Variants in SPAST observed in about 807,000 individuals in gnomAD.
SPAST encodes the protein spastic paraplegia 4 (autosomal dominant; spastin).
In SPAST, 30 loss-of-function variants were observed where a neutral mutation model predicts 76.6. That is an observed-to-expected ratio of 0.39 (90% CI 0.29 to 0.53). The LOEUF is 0.53. Ranked by LOEUF, SPAST falls within the 20% of genes least tolerant of loss-of-function variation. SPAST has a pLI of 0.68. For missense variants in SPAST, 717 were observed against 770.5 expected (o/e 0.93, Z 0.82); for synonymous variants, 305 against 281.0 (o/e 1.09, Z -0.86).
chr2:32,064,430 C>T (rs1461875211), intron 1 of SPAST, among the ~76,000 whole-genome samples, 184 bp downstream of exon 1: 2 of 152,274 alleles, frequency 1.3e-5, no homozygotes, highest in East Asian at 3.9e-4. Flanking sequence ...TAAAACCTCT[C>T]CCCTTTCAGG....
chr2:32,150,154 C>T (rs1207711888), intron 16 of SPAST, among the ~76,000 whole-genome samples: 1 of 149,356 alleles, frequency 6.7e-6, no homozygotes, highest in Non-Finnish European at 1.5e-5. Flanking sequence ...CTCACTGCAA[C>T]CTCCGCCTAC....
At chr2:32,142,291 A>G (rs535246262) in intron 13 of SPAST, among the ~76,000 whole-genome samples, 29 of 152,250 alleles carry the variant, frequency 1.9e-4, no homozygotes, top group African/African-American at 6.3e-4. Context: ...TACATGCTGC[A>G]TACTCACTTC....
At position 32,156,221 on chromosome 2, in the gene SPAST, G is replaced by C. The variant is rs1243706617; in HGVS notation, c.*1725G>C. 6.6e-6 allele frequency: 1 copy of C among 152,192 alleles called. No homozygotes were observed. Among genetic ancestry groups the C allele is most frequent in the African/African-American group, 2.4e-5 (1 of 41,426 alleles). The allele number at this position is 152,192 out of a possible 1,614,324, so 9.4% of individuals were successfully genotyped here. A position where few individuals can be genotyped will look rare whatever the true frequency, so the allele number is the denominator to read the frequency against. ...CCCAGCTAATTTTGTATTTTTAGTA[G>C]AGATGGGGTTTCTCCATGTTGGTCA... On this transcript the variant is annotated 3_prime_UTR_variant, in exon 17 of 17. Transcript: ENST00000315285.
intron 1 of SPAST, among the ~76,000 whole-genome samples, chr2:32,075,894 C>G (rs900945104): frequency 2.3e-5 from 2 of 87,192 alleles, no homozygotes; most frequent in Non-Finnish European, 4.3e-5. Context: ...ATTCAAAATG[C>G]TCTTTTTTTT....
intron 9 of SPAST, among the ~76,000 whole-genome samples, chr2:32,135,426 G>A (rs930546875): frequency 1.2e-4 from 18 of 152,226 alleles, no homozygotes; most frequent in Admixed American, 1.0e-3. Context: ...GCCGCGCCCG[G>A]CCTAGAATAT....
At chr2:32,084,553 T>G (rs1035328211) in intron 1 of SPAST, among the ~76,000 whole-genome samples, 9 of 151,946 alleles carry the variant, frequency 5.9e-5, no homozygotes, top group Non-Finnish European at 1.3e-4. Flanking sequence ...GTTTGAAATG[T>G]TGAAAAACTG....
intron 1 of SPAST, among the ~76,000 whole-genome samples, chr2:32,080,272 T>G (rs993868621): frequency 3.3e-5 from 5 of 152,200 alleles, no homozygotes; most frequent in Non-Finnish European, 5.9e-5. Flanking sequence ...TTAATTGGGT[T>G]GTTTTTATGT....
rs1678809175 is a variant in SPAST at position 32,115,797 on chromosome 2, C to A, written c.966C>A (p.Ser322Arg). 1 of 1,611,750 alleles carries A rather than the reference C, an allele frequency of 6.2e-7. No individual in the cohort carries two copies. The part of the protein sequence containing the change: ...KDLKNFRNVD[S>R]NLANLIMNEI... ...TGAAGAATTTTAGGAATGTGGACAG[C>A]AACCTTGCTAACCTTATAATGAATG... The change falls in exon 6 of 17, where the codon AGC becomes AGA. Residue 322 changes from serine (S) to arginine (R), a missense_variant. By Grantham distance (110) the Ser-to-Arg change is moderately radical (BLOSUM62 -1). Coordinates refer to ENST00000315285, the MANE Select transcript of SPAST (RefSeq NM_014946.4).
At chr2:32,141,266 T>C (rs1679711557) in intron 12 of SPAST, among the ~76,000 whole-genome samples, 1 of 152,242 alleles carries the variant, frequency 6.6e-6, no homozygotes, top group Non-Finnish European at 1.5e-5. Context: ...ATAAAGATAA[T>C]TCGTCTTAGA....
At chr2:32,071,935 G>A (rs1306097638) in intron 1 of SPAST, among the ~76,000 whole-genome samples, 1 of 152,194 alleles carries the variant, frequency 6.6e-6, no homozygotes, top group Admixed American at 6.5e-5. Context: ...GAAAGGGAAA[G>A]GATTCTCTAC....
chr2:32,064,372 C>T (rs1300565456), intron 1 of SPAST, 126 bp downstream of exon 1: 4 of 850,878 alleles, frequency 4.7e-6, no homozygotes, highest in African/African-American at 3.5e-5. Context: ...TTGATATGCC[C>T]CGGGAGACTG....
chr2:32,069,216 A>C (rs1304361597), intron 1 of SPAST, among the ~76,000 whole-genome samples: 1 of 85,208 alleles, frequency 1.2e-5, no homozygotes, highest in East Asian at 6.3e-4. Flanking sequence ...CCATCTCTCA[A>C]AAAAAAAAAA....
chr2:32,093,774 G>T (rs1181059789), intron 3 of SPAST, among the ~76,000 whole-genome samples: 1 of 152,060 alleles, frequency 6.6e-6, no homozygotes, highest in Non-Finnish European at 1.5e-5. Context: ...ACCTGATACA[G>T]TGTAGGGACT....
chr2:32,137,029 G>T lies in SPAST; in HGVS notation c.1413+61G>T, dbSNP rs548935189. 51 of 1,531,696 alleles carry T rather than the reference G, an allele frequency of 3.3e-5. 2 individuals are homozygous for T. The South Asian group carries it at 5.1e-4, about 15-fold the overall frequency. The allele number at this position is 1,531,696 out of a possible 1,614,324, so 94.9% of individuals were successfully genotyped here. A position where few individuals can be genotyped will look rare whatever the true frequency, so the allele number is the denominator to read the frequency against. On this transcript the variant is annotated intron_variant, in intron 11 of 16. Coordinates refer to ENST00000315285, the MANE Select transcript of SPAST (RefSeq NM_014946.4). ...ATTTTAGTATATTTTCCTATTAAAT[G>T]GCCAAGGTTAAAAATACAAATATCT... is the stretch of plus-strand genomic sequence containing the variant.
chr2:32,152,967 C>CT (rs1680136431), intron 16 of SPAST, among the ~76,000 whole-genome samples: 2 of 152,062 alleles, frequency 1.3e-5, no homozygotes, highest in South Asian at 4.2e-4. Flanking sequence ...AGGCTGGTCT[C>CT]TAACTCCTGG....
intron 1 of SPAST, among the ~76,000 whole-genome samples, chr2:32,075,536 A>T (rs1573047214): frequency 1.5e-5 from 2 of 134,676 alleles, no homozygotes. Flanking sequence ...ATTTAGTGTC[A>T]TGGCTTTTTT....
At chr2:32,139,848 AAAG>A (rs1374027387) in intron 12 of SPAST, among the ~76,000 whole-genome samples, 2 of 151,254 alleles carry the variant, frequency 1.3e-5, no homozygotes, top group East Asian at 2.1e-4. Flanking sequence ...AAAAAAAAAA[AAAG>A]AAAAAAAAAA....
Position 32,154,421 on chromosome 2 carries a change from A to T in SPAST, c.1776A>T (p.Ile592=). ...ACTTCACTGAATCCTTGAAAAAAAT[A>T]AAACGCAGCGTCAGCCCTCAAACTT... The part of the protein sequence containing the change: ...LSDFTESLKK[I]KRSVSPQTLE... Residue 592 remains isoleucine (I), a synonymous_variant, in exon 17 of 17, where the codon ATA becomes ATT. Transcript: ENST00000315285. 6.2e-7 allele frequency: 1 copy of T among 1,613,356 alleles called. No homozygotes were observed. Among genetic ancestry groups the T allele is most frequent in the South Asian group, 1.1e-5 (1 of 91,060 alleles).
intron 4 of SPAST, among the ~76,000 whole-genome samples, chr2:32,113,489 C>G (rs945351951): frequency 1.3e-5 from 2 of 151,106 alleles, no homozygotes; most frequent in African/African-American, 4.9e-5. Flanking sequence ...CTTTTTTTTC[C>G]TCTGTACATC....
Sources: gnomAD v4.1 joint callset for allele counts (sites outside exome capture counted in the v4.1 genomes callset) on GRCh38, gnomAD v4.1.1 for gene constraint, MANE v1.5 for transcripts, NCBI Gene and HGNC (gene_info 2026-07-23, HGNC 2026-07-21) for gene names.